Variants in SCHIP1 observed in about 807,000 individuals in gnomAD.
The protein encoded by SCHIP1 is schwannomin interacting protein 1.
In SCHIP1, 8 loss-of-function variants were observed where a neutral mutation model predicts 29.7. The ratio of observed to expected loss-of-function variants is 0.27; its 90% confidence interval spans 0.16 to 0.49. The LOEUF (loss-of-function observed/expected upper bound fraction) is 0.49. Ranked by LOEUF, SCHIP1 falls within the 20% of genes least tolerant of loss-of-function variation. The pLI is 0.99. For synonymous variants in SCHIP1, 76 were observed against 94.9 expected (o/e 0.80, Z 1.16); for missense variants, 193 against 294.6 (o/e 0.66, Z 2.52).
At chr3:159,656,387 G>A in the SCHIP1 span, among the ~76,000 whole-genome samples, 2 of 152,094 alleles carry the variant, frequency 1.3e-5, no homozygotes, top group African/African-American at 4.8e-5. Flanking sequence ...CTAAGCCCAT[G>A]TTCTTCTTGC....
the SCHIP1 span, among the ~76,000 whole-genome samples, chr3:159,813,638 C>T: frequency 2.0e-5 from 3 of 151,380 alleles, no homozygotes; most frequent in Non-Finnish European, 2.9e-5. Context: ...CACTGAGGAG[C>T]GATCACACCA....
At chr3:159,659,352 G>A in the SCHIP1 span, among the ~76,000 whole-genome samples, 13 of 152,198 alleles carry the variant, frequency 8.5e-5, no homozygotes, top group Admixed American at 4.6e-4. Context: ...AGCACAAGGT[G>A]GCCAGGTACA....
At chr3:159,656,129 A>G in the SCHIP1 span, among the ~76,000 whole-genome samples, 1 of 152,174 alleles carries the variant, frequency 6.6e-6, no homozygotes, top group Admixed American at 6.5e-5. Flanking sequence ...CAGATCTGGT[A>G]AGAAGAATCT....
At chr3:159,310,339 G>A in the SCHIP1 span, among the ~76,000 whole-genome samples, 6 of 152,040 alleles carry the variant, frequency 3.9e-5, no homozygotes, top group Admixed American at 6.6e-5. Flanking sequence ...CTTCTCTCTC[G>A]CAGCCATGTT....
the SCHIP1 span, among the ~76,000 whole-genome samples, chr3:159,529,411 T>C: frequency 6.6e-6 from 1 of 152,224 alleles, no homozygotes; most frequent in Non-Finnish European, 1.5e-5. Flanking sequence ...GTATCTGAGC[T>C]ATTCAAAAAA....
the SCHIP1 span, among the ~76,000 whole-genome samples, chr3:159,393,268 G>T: frequency 6.6e-6 from 1 of 152,152 alleles, no homozygotes; most frequent in Non-Finnish European, 1.5e-5. Context: ...TAGGTTGCCT[G>T]TTCACTCTGA....
At chr3:159,419,607 A>G in the SCHIP1 span, among the ~76,000 whole-genome samples, 4 of 152,116 alleles carry the variant, frequency 2.6e-5, no homozygotes, top group Admixed American at 2.0e-4. Flanking sequence ...TCAGGAGTCC[A>G]GGACCAGCCT....
At chr3:159,829,844 G>C in the SCHIP1 span, among the ~76,000 whole-genome samples, 4 of 152,172 alleles carry the variant, frequency 2.6e-5, no homozygotes, top group Non-Finnish European at 5.9e-5. Context: ...ACAGTCGGTT[G>C]TGCAATGACA....
the SCHIP1 span, among the ~76,000 whole-genome samples, chr3:159,763,091 C>T: frequency 6.6e-6 from 1 of 152,270 alleles, no homozygotes; most frequent in East Asian, 1.9e-4. Context: ...GCGTGCAGCC[C>T]GGAGGGGAAG....
chr3:159,418,445 C>T, the SCHIP1 span, among the ~76,000 whole-genome samples: 2 of 152,220 alleles, frequency 1.3e-5, no homozygotes, highest in African/African-American at 4.8e-5. Flanking sequence ...TCTAAACTGT[C>T]TGTGCAGGTC....
chr3:159,780,507 A>G, the SCHIP1 span, among the ~76,000 whole-genome samples: 1 of 152,192 alleles, frequency 6.6e-6, no homozygotes, highest in African/African-American at 2.4e-5. Context: ...TTAAATATCG[A>G]AGGTGTAATG....
At chr3:159,634,046 T>A in the SCHIP1 span, among the ~76,000 whole-genome samples, 1 of 152,156 alleles carries the variant, frequency 6.6e-6, no homozygotes, top group African/African-American at 2.4e-5. Context: ...AACCAAAGAT[T>A]GTGACATATG....
the SCHIP1 span, among the ~76,000 whole-genome samples, chr3:159,828,978 A>G: frequency 2.6e-5 from 4 of 152,072 alleles, no homozygotes; most frequent in Non-Finnish European, 5.9e-5. Flanking sequence ...ACTACTTTTC[A>G]CTTTTTCTGC....
At chr3:159,614,072 AG>A in the SCHIP1 span, among the ~76,000 whole-genome samples, 1 of 152,206 alleles carries the variant, frequency 6.6e-6, no homozygotes, top group African/African-American at 2.4e-5. Flanking sequence ...TGAGGAATCT[AG>A]GGTTCAGAGA....
At chr3:159,755,138 G>C in the SCHIP1 span, among the ~76,000 whole-genome samples, 1 of 152,180 alleles carries the variant, frequency 6.6e-6, no homozygotes, top group African/African-American at 2.4e-5. Flanking sequence ...GGGAGGCTGA[G>C]GCAGGAGAAT....
At chr3:159,892,048 A>T in intron 5 of SCHIP1, 49 bp from the exon 7 acceptor site, 1 of 1,585,868 alleles carries the variant, frequency 6.3e-7, no homozygotes, top group Non-Finnish European at 8.6e-7. Flanking sequence ...TTACATTCTG[A>T]CTTGGAGGCA....
intron 1 of SCHIP1, among the ~76,000 whole-genome samples, chr3:159,858,338 C>A (rs992311888): frequency 4.6e-5 from 7 of 152,224 alleles, no homozygotes; most frequent in Admixed American, 3.3e-4. Context: ...CGTTGAAACA[C>A]CTCCTCTACC....
intron 2 of SCHIP1, among the ~76,000 whole-genome samples, chr3:159,871,919 A>G (rs550843730): frequency 2.0e-5 from 3 of 152,044 alleles, no homozygotes; most frequent in Non-Finnish European, 4.4e-5. Flanking sequence ...TGTTAAATCA[A>G]TCTTTGTGTT....
the SCHIP1 span, among the ~76,000 whole-genome samples, chr3:159,597,254 TG>T: frequency 6.6e-6 from 1 of 152,180 alleles, no homozygotes; most frequent in Non-Finnish European, 1.5e-5. Flanking sequence ...GGGGTACATG[TG>T]AAATTTTGTA....
Sources: gnomAD v4.1 joint callset for allele counts (sites outside exome capture counted in the v4.1 genomes callset) on GRCh38, gnomAD v4.1.1 for gene constraint, MANE v1.5 for transcripts, NCBI Gene and HGNC (gene_info 2026-07-23, HGNC 2026-07-21) for gene names.